CYP27C1: variants seen among roughly 807,000 people sequenced by gnomAD.
CYP27C1 encodes the protein cytochrome P450 27C1.
A neutral mutation model predicts 40.6 loss-of-function variants in CYP27C1; 29 were observed. The ratio of observed to expected loss-of-function variants is 0.71; its 90% CI spans 0.53 to 0.97. The LOEUF is 0.97. CYP27C1 is among the 50% of genes least tolerant of loss of function. The pLI, the probability that CYP27C1 is intolerant of heterozygous loss-of-function variation, is 0.00. For missense variants in CYP27C1, 390 were observed against 485.8 expected (o/e 0.80, Z 1.85); for synonymous variants, 198 against 186.8 (o/e 1.06, Z -0.49).
In CYP27C1 at chr2:127,185,476, C is replaced by CAT. The variant is rs1310673769; in HGVS notation, c.*1794_*1795insAT. On this transcript the variant is annotated 3_prime_UTR_variant, in exon 9 of 9. Coordinates refer to ENST00000664447, the MANE Select transcript of CYP27C1 (RefSeq NM_001367502.1). This position sits in a 1 kb window ranked among gnomAD's most constrained non-coding sequence, Gnocchi z 4.9. Reference sequence around the variant, plus strand: ...TCTCAATATTTTTAAATTTCAGTCTCAAACAGAATGCAATTTCATCTAGTT... The same window carrying CAT: ...TCTCAATATTTTTAAATTTCAGTCTCATAAACAGAATGCAATTTCATCTAGTT... 2 of 152,180 alleles carry CAT rather than the reference C, an allele frequency of 1.3e-5. No homozygotes were observed. The highest frequency in any genetic ancestry group is 2.9e-5 in the Non-Finnish European group (2 of 68,022). The allele number at this position is 152,180 out of a possible 1,614,324, so 9.4% of individuals were successfully genotyped here. A position where few individuals can be genotyped will look rare whatever the true frequency, so the allele number is the denominator to read the frequency against.
intron 3 of CYP27C1, among the ~76,000 whole-genome samples, chr2:127,202,950 C>CTT (rs1459004930): frequency 1.3e-5 from 2 of 151,934 alleles, no homozygotes; most frequent in Non-Finnish European, 2.9e-5. Flanking sequence ...GGGCGAATCA[C>CTT]GAGGTCAGGA....
chr2:127,190,906 A>T (rs1215017482), intron 8 of CYP27C1, among the ~76,000 whole-genome samples: 1 of 140,240 alleles, frequency 7.1e-6, no homozygotes, highest in Non-Finnish European at 1.5e-5. Context: ...AGATTGCGCC[A>T]CTGCACTCCA....
chr2:127,200,239 C>T lies in CYP27C1; in HGVS notation c.884-700G>A, dbSNP rs911619907. ...AGGTGATCCTCCCACCTCGGCCTCC[C>T]AAAGTGCTGGGATTACAGGCGTGAG... On this transcript the variant is annotated intron_variant, in intron 4 of 8. Transcript: ENST00000664447. The surrounding 1 kb of genome is among the most constrained non-coding windows in gnomAD (Gnocchi z 4.2). Among the ~76,000 whole-genome samples, 1 of 152,224 alleles carries T rather than the reference C, an allele frequency of 6.6e-6. No individual in the cohort carries two copies. The highest frequency in any genetic ancestry group is 2.4e-5 in the African/African-American group (1 of 41,464).
rs1183021996 is a variant in CYP27C1, at chr2:127,184,345, G to A, written c.*2926C>T. 6.6e-6 allele frequency: 1 copy of A among 151,280 alleles called. No individual in the cohort carries two copies. Among genetic ancestry groups the A allele is most frequent in the Non-Finnish European group, 1.5e-5 (1 of 67,876 alleles). The allele number at this position is 151,280 out of a possible 1,614,324, so 9.4% of individuals were successfully genotyped here. On this transcript the variant is annotated 3_prime_UTR_variant, in exon 9 of 9. Coordinates refer to ENST00000664447, the MANE Select transcript of CYP27C1 (RefSeq NM_001367502.1). ...CAAACGAAGTCCAGCATTGTACTTG[G>A]TTAATATGTCTCCTATATTGCTTCA...
Position 127,201,921 on chromosome 2 carries a change from A to G in CYP27C1, c.674-590T>C, listed in dbSNP as rs557895293. 7.7e-4 allele frequency among the ~76,000 whole-genome samples: 117 copies of G among 152,292 alleles called. No homozygotes were observed. The highest frequency in any genetic ancestry group is 2.3e-3 in the African/African-American group (97 of 41,550). On this transcript the variant is annotated intron_variant, in intron 3 of 8. Transcript: ENST00000664447. This position sits in a 1 kb window ranked among gnomAD's most constrained non-coding sequence, Gnocchi z 6.0. ...GCCTGGATGAATCCGTGTCGGGCAG[A>G]GCTGTGAACTGTATTTACCAATCAC...
rs982398284 is a variant in CYP27C1, at chr2:127,201,452, G to A, written c.674-121C>T. On this transcript the variant is annotated intron_variant, in intron 3 of 8. Transcript: ENST00000664447. This position sits in a 1 kb window ranked among gnomAD's most constrained non-coding sequence, Gnocchi z 6.0. ...AGGTGCCTTTCATGAATGAGGCATCGTCCCTCTGAGGATTTCTCTGCATCC... is the reference window on the plus strand; with the variant it reads ...AGGTGCCTTTCATGAATGAGGCATCATCCCTCTGAGGATTTCTCTGCATCC... 31 of 869,420 alleles carry A rather than the reference G, an allele frequency of 3.6e-5. No individual in the cohort carries two copies. Among genetic ancestry groups the A allele is most frequent in the East Asian group, 2.3e-4 (9 of 38,816 alleles). The allele number at this position is 869,420 out of a possible 1,614,324, so 53.9% of individuals were successfully genotyped here.
rs771011670 is a variant in CYP27C1, at chr2:127,193,222, C to T, written c.1369G>A (p.Glu457Lys). The T allele has an allele frequency of 1.9e-6, 3 of 1,614,212 alleles. No homozygotes were observed. Among genetic ancestry groups the T allele is most frequent in the East Asian group, 4.5e-5 (2 of 44,882 alleles). ...NFPRAKEFRPERWLRKGDLDR... is the reference protein window; with the variant it reads ...NFPRAKEFRPKRWLRKGDLDR... Reference sequence around the variant, plus strand: ...AAGTCTCCTTTCCGCAGCCAGCGCTCAGGCCGGAACTCCTTGGCCCGAGGG... The same window carrying T: ...AAGTCTCCTTTCCGCAGCCAGCGCTTAGGCCGGAACTCCTTGGCCCGAGGG... The change falls in exon 8 of 9, where the codon GAG becomes AAG. Residue 457 changes from glutamate to lysine, a missense_variant. By Grantham distance (56) the Glu-to-Lys change is moderately conservative (BLOSUM62 1). Transcript: ENST00000664447.
intron 1 of CYP27C1, among the ~76,000 whole-genome samples, chr2:127,215,842 AGG>A (rs1233892886): frequency 1.3e-5 from 2 of 148,966 alleles, no homozygotes; most frequent in Admixed American, 1.3e-4. Context: ...GGAGAGAGAG[AGG>A]GAGGGAGGGA....
At chr2:127,194,374 G>A (rs139037358) in intron 6 of CYP27C1, among the ~76,000 whole-genome samples, 72 of 152,122 alleles carry the variant, frequency 4.7e-4, no homozygotes, top group African/African-American at 1.5e-3. Flanking sequence ...ATAGGTTGAC[G>A]GTCATTATCA....
chr2:127,202,389 G>T (rs1352010847), intron 3 of CYP27C1, among the ~76,000 whole-genome samples: 3 of 152,180 alleles, frequency 2.0e-5, no homozygotes, highest in Non-Finnish European at 4.4e-5. Flanking sequence ...GCCTCCCAAA[G>T]TGCTGGGATT....
At chr2:127,205,310 T>C (rs886137721) in intron 2 of CYP27C1, among the ~76,000 whole-genome samples, 1 of 152,102 alleles carries the variant, frequency 6.6e-6, no homozygotes, top group African/African-American at 2.4e-5. Flanking sequence ...GACATAGATA[T>C]CAAAAGAGCT....
At chr2:127,188,991 C>T (rs1273053483) in intron 8 of CYP27C1, among the ~76,000 whole-genome samples, 4 of 152,260 alleles carry the variant, frequency 2.6e-5, no homozygotes, top group Non-Finnish European at 4.4e-5. Context: ...TCTGACCCCT[C>T]GTGCTGACCT....
intron 1 of CYP27C1, among the ~76,000 whole-genome samples, chr2:127,214,835 AGACTT>A (rs1395630249): frequency 1.6e-4 from 23 of 148,030 alleles, no homozygotes; most frequent in Non-Finnish European, 3.0e-4. Flanking sequence ...AAAAAAAAAA[AGACTT>A]AGTACAGGCC....
Position 127,193,883 on chromosome 2 carries a change from C to A in CYP27C1, c.1215-16G>T. On this transcript the variant is annotated splice_polypyrimidine_tract_variant and intron_variant, in intron 6 of 8. Transcript: ENST00000664447. ...TGGAAACAGCCTGGAAAAGAGCCAG[C>A]GGGGACGGGAATGGCGTGGTGACTT... 1 of 1,613,260 alleles carries A rather than the reference C, an allele frequency of 6.2e-7. No homozygotes were observed. Among genetic ancestry groups the A allele is most frequent in the Non-Finnish European group, 8.5e-7 (1 of 1,179,604 alleles).
rs1248143511 is a variant in CYP27C1, at chr2:127,185,273, C to T, written c.*1998G>A. The T allele has an allele frequency of 6.6e-6, 1 of 152,268 alleles. No individual in the cohort carries two copies. Among genetic ancestry groups the T allele is most frequent in the Admixed American group, 6.6e-5 (1 of 15,266 alleles). 9.4% of individuals were successfully genotyped at this position (152,268 alleles called of 1,614,324 possible). Reference sequence around the variant, plus strand: ...CTGCTACATCACACCAGGAGGCCCCCGTGTCTGGCTGCTTCCCTTCCTGTT... The same window carrying T: ...CTGCTACATCACACCAGGAGGCCCCTGTGTCTGGCTGCTTCCCTTCCTGTT... On this transcript the variant is annotated 3_prime_UTR_variant, in exon 9 of 9. Transcript: ENST00000664447. The surrounding 1 kb of genome is among the most constrained non-coding windows in gnomAD (Gnocchi z 4.9).
At position 127,196,446 on chromosome 2, in the gene CYP27C1, C is replaced by T. The variant is rs1422913323; in HGVS notation, c.1048-945G>A. On this transcript the variant is annotated intron_variant, in intron 5 of 8. Coordinates refer to ENST00000664447, the MANE Select transcript of CYP27C1 (RefSeq NM_001367502.1). This position sits in a 1 kb window ranked among gnomAD's most constrained non-coding sequence, Gnocchi z 4.5. Reference sequence around the variant, plus strand: ...ATTCTCGTAGGTCCCAAGATTTTCGCTAAAATCAATAGTATCATCTATGGG... The same window carrying T: ...ATTCTCGTAGGTCCCAAGATTTTCGTTAAAATCAATAGTATCATCTATGGG... 1.3e-5 allele frequency among the ~76,000 whole-genome samples: 2 copies of T among 151,902 alleles called. No individual in the cohort carries two copies. Among genetic ancestry groups the T allele is most frequent in the Non-Finnish European group, 2.9e-5 (2 of 68,006 alleles).
At chr2:127,211,445 C>T (rs1683337530) in intron 1 of CYP27C1, among the ~76,000 whole-genome samples, 1 of 137,364 alleles carries the variant, frequency 7.3e-6, no homozygotes, top group African/African-American at 2.8e-5. Context: ...TGCAGTGGCG[C>T]TATCTTGGCT....
At chr2:127,198,569 G>A (rs62160256) in intron 5 of CYP27C1, among the ~76,000 whole-genome samples, 1,665 of 152,166 alleles carry the variant, frequency 0.011, 16 homozygotes, top group Non-Finnish European at 0.013. Flanking sequence ...ATCATGCATC[G>A]TATAGTGATG....
At position 127,206,200 on chromosome 2, in the gene CYP27C1, GCTAT is replaced by G. The variant is rs919868072; in HGVS notation, c.283-114_283-111del. ...GCAGAAAATTGGGGCAGAGGGAAGT[GCTAT>G]CTAACACAGCACTGAATCAGAGCAG... is the stretch of plus-strand genomic sequence containing the variant. On this transcript the variant is annotated intron_variant, in intron 1 of 8. Coordinates refer to ENST00000664447, the MANE Select transcript of CYP27C1 (RefSeq NM_001367502.1). Among the ~76,000 whole-genome samples, 122 of 152,324 alleles carry G rather than the reference GCTAT, an allele frequency of 8.0e-4. 1 individual carries two copies. Among genetic ancestry groups the G allele is most frequent in the African/African-American group, 2.8e-3 (116 of 41,572 alleles).
Sources: gnomAD v4.1 joint callset for allele counts (sites outside exome capture counted in the v4.1 genomes callset) on GRCh38, gnomAD v4.1.1 for gene constraint, Gnocchi (gnomAD v3.1) non-coding constraint, MANE v1.5 for transcripts, NCBI Gene and HGNC (gene_info 2026-07-23, HGNC 2026-07-21) for gene names.